The following JARID2 variants were observed in gnomAD, a reference collection of about 807,000 sequenced individuals.
JARID2 encodes protein Jumonji.
JARID2 carries 21 observed loss-of-function variants against 125.6 expected under a neutral mutation model. That is an observed-to-expected ratio of 0.17 (90% CI 0.12 to 0.24). JARID2 has a LOEUF of 0.24. Among genes scored for constraint, JARID2 ranks in the 10% least tolerant of loss-of-function variants. The probability of loss-of-function intolerance (pLI) is 1.00; values close to 1 mark genes in which losing one functional copy is unlikely to be tolerated. For synonymous variants in JARID2, 736 were observed against 661.6 expected (o/e 1.11, Z -1.73); for missense variants, 1,303 against 1,639.6 (o/e 0.79, Z 3.55).
chr6:15,289,377 C>A (rs959668413), intron 1 of JARID2, among the ~76,000 whole-genome samples: 1 of 152,096 alleles, frequency 6.6e-6, no homozygotes, highest in Non-Finnish European at 1.5e-5. Flanking sequence ...AAAGCCAATT[C>A]TTCTATTTTT....
chr6:15,447,175 A>G (rs1453942333), intron 3 of JARID2, among the ~76,000 whole-genome samples: 3 of 152,058 alleles, frequency 2.0e-5, no homozygotes, highest in South Asian at 2.1e-4. Context: ...CGCCAACCCT[A>G]TGTTGTACCA....
At chr6:15,486,953 G>T (rs1041558985) in intron 5 of JARID2, among the ~76,000 whole-genome samples, 16 of 152,014 alleles carry the variant, frequency 1.1e-4, no homozygotes, top group African/African-American at 2.7e-4. Context: ...AAGAAAAGAG[G>T]TTAAGTGGAC....
chr6:15,361,892 C>CTTT (rs58352410), intron 1 of JARID2, among the ~76,000 whole-genome samples: 20 of 121,170 alleles, frequency 1.7e-4, no homozygotes, highest in Non-Finnish European at 3.1e-4. Flanking sequence ...TGGGAGCCCC[C>CTTT]TTTTTTTTTT....
At chr6:15,256,532 TCTAAACCAA>T (rs1263772755) in intron 1 of JARID2, among the ~76,000 whole-genome samples, 2 of 152,224 alleles carry the variant, frequency 1.3e-5, no homozygotes, top group African/African-American at 4.8e-5. Context: ...CAGGATCGAA[TCTAAACCAA>T]CTTTGTTCCC....
intron 1 of JARID2, among the ~76,000 whole-genome samples, chr6:15,348,465 G>A (rs1329153602): frequency 6.6e-6 from 1 of 152,104 alleles, no homozygotes; most frequent in Non-Finnish European, 1.5e-5. Context: ...GGGGTTCTCA[G>A]TATTTTTTAA....
chr6:15,299,581 C>T (rs1212226675), intron 1 of JARID2, among the ~76,000 whole-genome samples: 1 of 152,148 alleles, frequency 6.6e-6, no homozygotes, highest in Admixed American at 6.5e-5. Context: ...TTGAGAACTG[C>T]TGGTTTCCTG....
At chr6:15,398,966 A>G (rs555056747) in intron 2 of JARID2, among the ~76,000 whole-genome samples, 3 of 152,286 alleles carry the variant, frequency 2.0e-5, no homozygotes, top group South Asian at 2.1e-4. Context: ...CTCCTTTCCA[A>G]TTCTCTGCTT....
At chr6:15,397,752 T>C (rs1280384199) in intron 2 of JARID2, among the ~76,000 whole-genome samples, 1 of 152,206 alleles carries the variant, frequency 6.6e-6, no homozygotes, top group Non-Finnish European at 1.5e-5. Flanking sequence ...ACTTGTAAAT[T>C]TGAACATTTG....
intron 12 of JARID2, among the ~76,000 whole-genome samples, chr6:15,510,187 G>A (rs900827937): frequency 6.6e-5 from 10 of 152,098 alleles, no homozygotes; most frequent in African/African-American, 2.4e-4. Context: ...TTTAATGGTG[G>A]TTGATGGCTT....
intron 3 of JARID2, among the ~76,000 whole-genome samples, chr6:15,412,107 A>C (rs1765903969): frequency 6.6e-6 from 1 of 152,202 alleles, no homozygotes; most frequent in Non-Finnish European, 1.5e-5. Flanking sequence ...AATCGTTTTT[A>C]ATTATTAATG....
chr6:15,379,985 G>A (rs1222105016), intron 2 of JARID2, among the ~76,000 whole-genome samples: 1 of 150,984 alleles, frequency 6.6e-6, no homozygotes, highest in African/African-American at 2.4e-5. Context: ...CTTTTTTTAA[G>A]TAGGTATTTA....
intron 1 of JARID2, among the ~76,000 whole-genome samples, chr6:15,260,503 T>A (rs1581335635): frequency 6.6e-6 from 1 of 152,188 alleles, no homozygotes; most frequent in East Asian, 1.9e-4. Context: ...TGGGCATATC[T>A]AAGCCATGGG....
chr6:15,382,974 G>A (rs1764648483), intron 2 of JARID2, among the ~76,000 whole-genome samples: 1 of 152,150 alleles, frequency 6.6e-6, no homozygotes, highest in South Asian at 2.1e-4. Context: ...GTGTCACCTG[G>A]GTAGTGGAGT....
chr6:15,253,173 C>T (rs58488958), intron 1 of JARID2, among the ~76,000 whole-genome samples: 2 of 152,158 alleles, frequency 1.3e-5, no homozygotes, highest in East Asian at 1.9e-4. Flanking sequence ...AAGCTATTCT[C>T]CCGCCTCAGC....
intron 4 of JARID2, among the ~76,000 whole-genome samples, chr6:15,452,595 C>G (rs1767968276): frequency 6.6e-6 from 1 of 152,092 alleles, no homozygotes; most frequent in Non-Finnish European, 1.5e-5. Flanking sequence ...GTCAATAAGC[C>G]ATGGTGATGA....
intron 3 of JARID2, among the ~76,000 whole-genome samples, chr6:15,429,207 G>A (rs938979067): frequency 6.6e-6 from 1 of 151,814 alleles, no homozygotes; most frequent in Non-Finnish European, 1.5e-5. Flanking sequence ...TTTTGAGTGT[G>A]TAAACAAATT....
chr6:15,433,573 G>A (rs1017173299), intron 3 of JARID2, among the ~76,000 whole-genome samples: 17 of 152,118 alleles, frequency 1.1e-4, no homozygotes, highest in African/African-American at 3.9e-4. Context: ...TTTAATCTTG[G>A]ATTTCCTTTG....
chr6:15,446,596 A>G lies in JARID2; in HGVS notation c.324-5410A>G, dbSNP rs7764606. On this transcript the variant is annotated intron_variant, in intron 3 of 17. Transcript: ENST00000341776. Reference sequence around the variant, plus strand: ...GCAATCCCTACCTTTGTCTTAGGCCATTTGTTGCCACATAAAATACACTCT... The same window carrying G: ...GCAATCCCTACCTTTGTCTTAGGCCGTTTGTTGCCACATAAAATACACTCT... 7.2e-3 allele frequency among the ~76,000 whole-genome samples: 1,099 copies of G among 152,322 alleles called. 13 individuals carry two copies. The highest frequency in any genetic ancestry group is 0.025 in the African/African-American group (1,045 of 41,570).
At chr6:15,362,726 C>T (rs1225286063) in intron 1 of JARID2, among the ~76,000 whole-genome samples, 1 of 152,002 alleles carries the variant, frequency 6.6e-6, no homozygotes, top group Non-Finnish European at 1.5e-5. Context: ...CAAATTGCAG[C>T]GTGGCTGTGT....
Sources: gnomAD v4.1 joint callset for allele counts (sites outside exome capture counted in the v4.1 genomes callset) on GRCh38, gnomAD v4.1.1 for gene constraint, MANE v1.5 for transcripts, NCBI Gene and HGNC (gene_info 2026-07-23, HGNC 2026-07-21) for gene names.